Variants in KDM4C observed in about 807,000 individuals in gnomAD.
The protein encoded by KDM4C is lysine demethylase 4C.
A neutral mutation model predicts 129.3 loss-of-function variants in KDM4C; 81 were observed. The ratio of observed to expected loss-of-function variants is 0.63; its 90% CI spans 0.52 to 0.75. The LOEUF (loss-of-function observed/expected upper bound fraction) is 0.75, where lower values mean the gene tolerates loss of function less well. Among genes scored for constraint, KDM4C ranks in the 30% least tolerant of loss-of-function variants. The pLI is 0.00. For synonymous variants in KDM4C, 573 were observed against 456.1 expected, an observed-to-expected ratio of 1.26 and a Z score of -3.26; for missense variants, 1,457 against 1,304.0, an observed-to-expected ratio of 1.12 and a Z score of -1.81.
At chr9:7,006,684 A>G (rs1202793926) in intron 12 of KDM4C, among the ~76,000 whole-genome samples, 1 of 152,008 alleles carries the variant, frequency 6.6e-6, no homozygotes, top group East Asian at 1.9e-4. Context: ...TAAATCACAT[A>G]TTTTTGTTTT....
intron 6 of KDM4C, among the ~76,000 whole-genome samples, chr9:6,882,091 G>A (rs946926): frequency 0.35 from 53,568 of 152,080 alleles, 10,916 homozygotes; most frequent in Middle Eastern, 0.55. Flanking sequence ...AAGACATTAG[G>A]CCTGCATCTA....
At chr9:7,035,260 C>T (rs1313318512) in intron 15 of KDM4C, among the ~76,000 whole-genome samples, 8 of 149,448 alleles carry the variant, frequency 5.4e-5, no homozygotes, top group East Asian at 1.9e-4. Flanking sequence ...GTGATCCTCC[C>T]GCCTTGGCCT....
At chr9:7,160,642 C>G (rs1843686437) in intron 19 of KDM4C, among the ~76,000 whole-genome samples, 1 of 152,176 alleles carries the variant, frequency 6.6e-6, no homozygotes, top group Admixed American at 6.5e-5. Flanking sequence ...CCCTGTTTGC[C>G]TGGGGATCAC....
intron 6 of KDM4C, 148 bp from the exon 7 acceptor site, chr9:6,887,812 G>A: frequency 1.9e-6 from 1 of 522,138 alleles, no homozygotes; most frequent in South Asian, 2.4e-5. Flanking sequence ...CTCTGACTCT[G>A]AGTTTTAGTA....
At position 6,740,534 on chromosome 9, in the gene KDM4C, C is replaced by T. The variant is rs115702654; in HGVS notation, c.49+19537C>T. 9.8e-3 allele frequency among the ~76,000 whole-genome samples: 1,441 copies of T among 146,984 alleles called. 22 individuals are homozygous for T. The highest frequency in any genetic ancestry group is 0.034 in the African/African-American group (1,371 of 39,762). On this transcript the variant is annotated intron_variant, in intron 1 of 17. Transcript: ENST00000536108. ...CCGGCCTAATTTTTATTTATTTATC[C>T]TTGAGATGAAGTCTTGCTCTGTTGC...
At chr9:7,161,254 G>A (rs1422044400) in intron 19 of KDM4C, among the ~76,000 whole-genome samples, 1 of 152,184 alleles carries the variant, frequency 6.6e-6, no homozygotes, top group African/African-American at 2.4e-5. Context: ...CCTTGGCTAG[G>A]AATTGGAAAT....
At chr9:6,948,329 T>C (rs993996382) in intron 8 of KDM4C, 1 of 152,338 alleles carries the variant, frequency 6.6e-6, no homozygotes, top group Admixed American at 6.5e-5. Flanking sequence ...TAAGCAGAAA[T>C]GCAGTACCTT....
chr9:7,052,479 T>C (rs1587277993), intron 17 of KDM4C, among the ~76,000 whole-genome samples: 1 of 152,218 alleles, frequency 6.6e-6, no homozygotes, highest in Non-Finnish European at 1.5e-5. Flanking sequence ...CAATAACAAA[T>C]GGCCTTTGCC....
chr9:7,097,984 G>T (rs975784336), intron 17 of KDM4C, among the ~76,000 whole-genome samples: 7 of 152,212 alleles, frequency 4.6e-5, no homozygotes, highest in Admixed American at 4.6e-4. Flanking sequence ...CTTAAAAGGT[G>T]CTTCCGCAAG....
intron 17 of KDM4C, among the ~76,000 whole-genome samples, chr9:7,077,880 C>A (rs1188346637): frequency 6.6e-6 from 1 of 152,190 alleles, no homozygotes; most frequent in Non-Finnish European, 1.5e-5. Context: ...CACATGGTCA[C>A]CCTCTTACCT....
In KDM4C at chr9:7,171,878, C is replaced by T. The variant is rs1471393247; in HGVS notation, c.2994+1988C>T. 3.5e-4 allele frequency among the ~76,000 whole-genome samples: 53 copies of T among 151,984 alleles called. 1 individual carries two copies. Among genetic ancestry groups the T allele is most frequent in the Admixed American group, 3.5e-3 (53 of 15,262 alleles). ...TGAAAATATGTAAATCACATCCATA[C>T]ACTCTGAATGCAGCCTGCTATTCTG... On this transcript the variant is annotated intron_variant, in intron 21 of 21. Transcript: ENST00000381309.
At chr9:7,174,522 C>G (rs747817309) in intron 21 of KDM4C, 31 bp from the exon 22 acceptor site, 3 of 1,607,798 alleles carry the variant, frequency 1.9e-6, no homozygotes, top group East Asian at 2.2e-5. Flanking sequence ...AATGCCGTGC[C>G]CTTTTGCAAT....
At chr9:6,770,086 G>A (rs1300681776) in intron 1 of KDM4C, among the ~76,000 whole-genome samples, 1 of 152,112 alleles carries the variant, frequency 6.6e-6, no homozygotes, top group Non-Finnish European at 1.5e-5. Flanking sequence ...GGCTGAGGCA[G>A]GAGAATCGCT....
chr9:6,760,089 G>C (rs184561361), intron 1 of KDM4C, among the ~76,000 whole-genome samples: 2 of 152,140 alleles, frequency 1.3e-5, no homozygotes, highest in Admixed American at 1.3e-4. Flanking sequence ...CCTATTAGCT[G>C]TCATTGCCTA....
intron 1 of KDM4C, chr9:6,734,838 G>T: frequency 2.0e-6 from 1 of 494,758 alleles, no homozygotes; most frequent in South Asian, 1.6e-5. Flanking sequence ...ATCAACTACT[G>T]AATGTTCTTA....
At chr9:6,763,037 G>T (rs553246269) in intron 1 of KDM4C, among the ~76,000 whole-genome samples, 9 of 152,046 alleles carry the variant, frequency 5.9e-5, no homozygotes, top group Non-Finnish European at 1.3e-4. Context: ...CGCTGGTGGG[G>T]GGGGATGGAT....
upstream of KDM4C, chr9:6,757,871 G>T: frequency 1.0e-6 from 1 of 985,612 alleles, no homozygotes; most frequent in Non-Finnish European, 1.2e-6. Flanking sequence ...TGAGCCCAAA[G>T]CAAGAGCGTG....
Position 6,989,690 on chromosome 9 carries a change from A to G in KDM4C, c.1678-726A>G, listed in dbSNP as rs551931066. Among the ~76,000 whole-genome samples, 4 of 152,290 alleles carry G rather than the reference A, an allele frequency of 2.6e-5. No individual in the cohort carries two copies. In the East Asian group the frequency reaches 7.7e-4, roughly 29 times the overall value. ...CTTCTCTGTGAGGATAGAAAATAAA[A>G]TTCCTTGCTAAATGTTAACATGGGA... On this transcript the variant is annotated intron_variant, in intron 11 of 21. Coordinates refer to ENST00000381309, the MANE Select transcript of KDM4C (RefSeq NM_015061.6).
chr9:6,906,016 A>G (rs1318420280), intron 8 of KDM4C, among the ~76,000 whole-genome samples: 1 of 152,198 alleles, frequency 6.6e-6, no homozygotes, highest in Non-Finnish European at 1.5e-5. Context: ...CAAATGACTG[A>G]GTAAGTGACG....
Sources: gnomAD v4.1 joint callset for allele counts (sites outside exome capture counted in the v4.1 genomes callset) on GRCh38, gnomAD v4.1.1 for gene constraint, MANE v1.5 for transcripts, NCBI Gene and HGNC (gene_info 2026-07-23, HGNC 2026-07-21) for gene names.